IL18: variants seen among roughly 807,000 people sequenced by gnomAD.
IL18 encodes interleukin 18.
In IL18, 8 loss-of-function variants were observed where a neutral mutation model predicts 14.2. The ratio of observed to expected loss-of-function variants is 0.56; its 90% CI spans 0.33 to 1.01. IL18 has a LOEUF of 1.01. IL18 is among the 50% of genes least tolerant of loss of function. IL18 has a pLI of 0.03. For synonymous variants in IL18, 67 were observed against 71.0 expected, an observed-to-expected ratio of 0.94 and a Z score of 0.28; for missense variants, 166 against 231.1, an observed-to-expected ratio of 0.72 and a Z score of 1.83.
chr11:112,153,730 G>A lies in IL18; in HGVS notation c.80-127C>T, dbSNP rs541504374. The A allele has an allele frequency of 1.2e-5, 7 of 588,490 alleles. No individual in the cohort carries two copies. The East Asian group carries it at 2.0e-4, about 17-fold the overall frequency. The allele number at this position is 588,490 out of a possible 1,614,324, so 36.5% of individuals were successfully genotyped here. A position where few individuals can be genotyped will look rare whatever the true frequency, so the allele number is the denominator to read the frequency against. ...GAACTCCTATTTTTATGGTTTAAGG[G>A]TCTGTCTTGGCTTTCATCAGAATAT... On this transcript the variant is annotated intron_variant, in intron 2 of 5. Transcript: ENST00000280357.
intron 5 of IL18, among the ~76,000 whole-genome samples, chr11:112,148,310 A>G (rs2135311003): frequency 6.6e-6 from 1 of 152,348 alleles, no homozygotes; most frequent in African/African-American, 2.4e-5. Context: ...TTGTATAAAG[A>G]CTGATTGTTC....
At chr11:112,149,229 T>A (rs1258094881) in intron 4 of IL18, among the ~76,000 whole-genome samples, 1 of 150,288 alleles carries the variant, frequency 6.7e-6, no homozygotes, top group Non-Finnish European at 1.5e-5. Context: ...GAGGTGGAGG[T>A]TGTAGTGAGC....
At chr11:112,144,622 A>G (rs1235182758) in intron 5 of IL18, among the ~76,000 whole-genome samples, 2 of 152,226 alleles carry the variant, frequency 1.3e-5, no homozygotes, top group Admixed American at 1.3e-4. Context: ...CTTTCAGTGG[A>G]GCCTGAAATT....
intron 5 of IL18, 23 bp downstream of exon 5, chr11:112,148,580 A>G (rs1208056440): frequency 1.5e-6 from 2 of 1,314,708 alleles, no homozygotes; most frequent in Non-Finnish European, 2.0e-6. Context: ...CATGATTGAA[A>G]ACAAAGTAAG....
At chr11:112,144,081 T>C (rs911943087) in intron 5 of IL18, among the ~76,000 whole-genome samples, 2 of 152,162 alleles carry the variant, frequency 1.3e-5, no homozygotes, top group East Asian at 1.9e-4. Flanking sequence ...TCCTCTCCCA[T>C]TGAGTGGTGT....
intron 1 of IL18, among the ~76,000 whole-genome samples, chr11:112,158,802 A>G (rs1866579264): frequency 6.6e-6 from 1 of 152,144 alleles, no homozygotes; most frequent in South Asian, 2.1e-4. Context: ...ACTATTTGGA[A>G]GAGTTAACAT....
intron 1 of IL18, among the ~76,000 whole-genome samples, chr11:112,156,443 T>A (rs1866533139): frequency 6.6e-6 from 1 of 152,168 alleles, no homozygotes; most frequent in Non-Finnish European, 1.5e-5. Context: ...AACATTTTTT[T>A]TTTTTGAGAT....
rs1029306053 is a variant in IL18, at chr11:112,163,963, C to G, written c.-66G>C. On this transcript the variant is annotated 5_prime_UTR_variant, in exon 1 of 6. Coordinates refer to ENST00000280357, the MANE Select transcript of IL18 (RefSeq NM_001562.4). ...ATCTGGAAGGTCTGAGGTTCCTTTC[C>G]TCTTCCCGAAGCTGTGTAGACTGCA... The G allele has an allele frequency of 6.6e-6, 1 of 152,358 alleles. No homozygotes were observed. The highest frequency in any genetic ancestry group is 1.5e-5 in the Non-Finnish European group (1 of 68,036). The allele number at this position is 152,358 out of a possible 1,614,324, so 9.4% of individuals were successfully genotyped here.
intron 2 of IL18, 111 bp downstream of exon 2, chr11:112,154,864 A>G: frequency 1.5e-6 from 1 of 650,392 alleles, no homozygotes; most frequent in Non-Finnish European, 2.7e-6. Context: ...CATTAATATT[A>G]CAGTGAAATT....
chr11:112,152,127 A>ATCTGTGTAT (rs1866450705), intron 3 of IL18, among the ~76,000 whole-genome samples: 1 of 152,160 alleles, frequency 6.6e-6, no homozygotes, highest in Non-Finnish European at 1.5e-5. Flanking sequence ...TCAGATCCAA[A>ATCTGTGTAT]ACGAAATGCG....
intron 3 of IL18, 168 bp from the exon 4 acceptor site, chr11:112,150,374 C>T (rs997892737): frequency 1.8e-6 from 1 of 551,798 alleles, no homozygotes; most frequent in African/African-American, 1.9e-5. Context: ...CAAAGGCACA[C>T]TCAATTTCTT....
In IL18 at chr11:112,154,989, G is replaced by C. The variant is rs61734549; in HGVS notation, c.65C>G (p.Thr22Arg). Residue 22 changes from threonine (T) to arginine (R), a missense_variant, in exon 2 of 6, where the codon ACG becomes AGG. Transcript: ENST00000280357. ...ATTAGCCTTACCTATAAAGTAAAGC[G>C]TATTGTCAATAAATTTCATTGCCAC... Reference protein sequence around the residue: ...NFVAMKFIDNTLYFIAEDDEN... With the variant: ...NFVAMKFIDNRLYFIAEDDEN... The C allele has an allele frequency of 6.2e-7, 1 of 1,604,386 alleles. No individual in the cohort carries two copies. The highest frequency in any genetic ancestry group is 8.5e-7 in the Non-Finnish European group (1 of 1,171,482).
At chr11:112,150,033 T>C in intron 4 of IL18, 39 bp downstream of exon 4, 1 of 1,550,646 alleles carries the variant, frequency 6.4e-7, no homozygotes, top group Non-Finnish European at 8.8e-7. Flanking sequence ...TGGGAAGAAG[T>C]AGCTAGTCAT....
At chr11:112,146,954 G>A (rs1186463560) in intron 5 of IL18, among the ~76,000 whole-genome samples, 2 of 122,412 alleles carry the variant, frequency 1.6e-5, no homozygotes, top group Non-Finnish European at 3.3e-5. Context: ...TTTTGAGACC[G>A]AGTTTTGCTC....
chr11:112,146,752 C>G (rs116773425), intron 5 of IL18, among the ~76,000 whole-genome samples: 120 of 151,786 alleles, frequency 7.9e-4, no homozygotes, highest in South Asian at 2.9e-3. Flanking sequence ...TCTCTCCCCC[C>G]CTCCAACTAA....
At position 112,143,688 on chromosome 11, in the gene IL18, C is replaced by T. The variant is rs377220185; in HGVS notation, c.490G>A (p.Glu164Lys). The T allele has an allele frequency of 9.9e-6, 16 of 1,612,706 alleles. No individual in the cohort carries two copies. In the African/African-American group the frequency reaches 2.1e-4, roughly 21 times the overall value. Residue 164 changes from glutamate (E) to lysine (K), a missense_variant, in exon 6 of 6, where the codon GAA (glutamate) becomes AAA (lysine). By Grantham distance (56) the Glu-to-Lys change is moderately conservative. Coordinates refer to ENST00000280357, the MANE Select transcript of IL18 (RefSeq NM_001562.4). ...SSYEGYFLAC[E>K]KERDLFKLIL... ...AGTTTAAAAAGGTCTCTCTCTTTTT[C>T]ACAAGCTAGAAAGTATCCTTCGTAT...
chr11:112,160,244 T>C (rs1232694102), intron 1 of IL18, among the ~76,000 whole-genome samples: 1 of 151,694 alleles, frequency 6.6e-6, no homozygotes, highest in Non-Finnish European at 1.5e-5. Flanking sequence ...GTTTTCTTGC[T>C]TCCAGACTCT....
chr11:112,146,156 T>C (rs1025357268), intron 5 of IL18, among the ~76,000 whole-genome samples: 1 of 151,326 alleles, frequency 6.6e-6, no homozygotes, highest in Non-Finnish European at 1.5e-5. Flanking sequence ...AGCCTGGATA[T>C]AGATACATAT....
At chr11:112,147,658 T>C (rs893032410) in intron 5 of IL18, among the ~76,000 whole-genome samples, 11 of 152,236 alleles carry the variant, frequency 7.2e-5, no homozygotes, top group Non-Finnish European at 1.3e-4. Context: ...CTGTATCTGT[T>C]GCATATGCAC....
Sources: gnomAD v4.1 joint callset for allele counts (sites outside exome capture counted in the v4.1 genomes callset) on GRCh38, gnomAD v4.1.1 for gene constraint, MANE v1.5 for transcripts, NCBI Gene and HGNC (gene_info 2026-07-23, HGNC 2026-07-21) for gene names.